FREM2: variants seen among roughly 807,000 people sequenced by gnomAD.
FREM2 encodes the protein FRAS1-related extracellular matrix protein 2.
FREM2 carries 119 observed loss-of-function variants against 219.9 expected under a neutral mutation model. The observed-to-expected ratio is 0.54, with a 90% confidence interval of 0.47 to 0.63. FREM2 has a LOEUF of 0.63. Among genes scored for constraint, FREM2 ranks in the 30% least tolerant of loss-of-function variants. The pLI is 0.00. For synonymous variants in FREM2, 1,562 were observed against 1,522.8 expected, an observed-to-expected ratio of 1.03 and a Z score of -0.60; for missense variants, 4,030 against 3,993.6, an observed-to-expected ratio of 1.01 and a Z score of -0.25.
intron 2 of FREM2, among the ~76,000 whole-genome samples, chr13:38,752,049 C>T (rs750089692): frequency 6.6e-6 from 1 of 152,216 alleles, no homozygotes; most frequent in Non-Finnish European, 1.5e-5. Flanking sequence ...AATAATACTA[C>T]ACGCTAAGCA....
rs148782980 is a variant in FREM2, at chr13:38,803,362, G to A, written c.6019+18554G>A. ...AACTGTGTGCAAGTAGGTCAGGGGC[G>A]CTAGAAGTACAGGAACAGGTCTTGA... On this transcript the variant is annotated intron_variant, in intron 6 of 23. Transcript: ENST00000280481. Among the ~76,000 whole-genome samples the A allele has an allele frequency of 8.5e-4, 130 of 152,220 alleles. 1 individual carries two copies. The highest frequency in any genetic ancestry group is 3.7e-3 in the South Asian group (18 of 4,824).
At position 38,687,921 on chromosome 13, in the gene FREM2, C is replaced by G. The variant is rs1405727084; in HGVS notation, c.577C>G (p.Leu193Val). Residue 193 changes from leucine (L) to valine (V), a missense_variant, in exon 1 of 24, where the codon CTG becomes GTG. Leu to Val is a conservative substitution (Grantham distance 32). Coordinates refer to ENST00000280481, the MANE Select transcript of FREM2 (RefSeq NM_207361.6). The stretch of plus-strand genomic sequence containing the variant: ...GAACTTGCCTCTGGTCGTGGAAGAG[C>G]TGCTGGGGACCAGCAATGCCCTGGA... ...TRNLPLVVEE[L>V]LGTSNALDAR... The G allele has an allele frequency of 3.4e-5, 55 of 1,598,908 alleles. No individual in the cohort carries two copies. The highest frequency in any genetic ancestry group is 4.7e-5 in the Non-Finnish European group (55 of 1,171,576).
In FREM2 at chr13:38,859,572, A is replaced by C. The variant is rs778306653; in HGVS notation, c.7501A>C (p.Thr2501Pro). The change falls in exon 14 of 24, where the codon ACC becomes CCC. Residue 2501 changes from threonine (T) to proline (P), a missense_variant. This residue lies in a region of FREM2 where 928 missense variants were observed against 1,042.9 expected (regional missense o/e 0.89). Transcript: ENST00000280481. ...EGLELMSPIVTISREEGLCQP... is the reference protein window; with the variant it reads ...EGLELMSPIVPISREEGLCQP... ...CCTGGAGCTCATGAGCCCTATTGTA[A>C]CCATCAGCAGAGAAGAAGGTCAGTC... 6.2e-7 allele frequency: 1 copy of C among 1,613,974 alleles called. No homozygotes were observed. Among genetic ancestry groups the C allele is most frequent in the Non-Finnish European group, 8.5e-7 (1 of 1,179,994 alleles).
rs757930670 is a variant in FREM2 at position 38,851,153 on chromosome 13, A to G, written c.6742+45A>G. ...TTGTTCAACTGTAAATTAGAAACTA[A>G]AATCCAGCCAAGTCAAGGTTTTAAG... is the stretch of plus-strand genomic sequence containing the variant. On this transcript the variant is annotated intron_variant, in intron 10 of 23. Transcript: ENST00000280481. The G allele has an allele frequency of 1.9e-6, 3 of 1,596,686 alleles. No homozygotes were observed. The Admixed American group carries it at 5.0e-5, about 27-fold the overall frequency.
At chr13:38,748,869 G>A (rs1409747711) in intron 2 of FREM2, among the ~76,000 whole-genome samples, 1 of 152,154 alleles carries the variant, frequency 6.6e-6, no homozygotes, top group Non-Finnish European at 1.5e-5. Flanking sequence ...TGGAAAGGAA[G>A]GCATTTTTGT....
At chr13:38,848,150 G>A (rs1478411508) in intron 7 of FREM2, among the ~76,000 whole-genome samples, 1 of 152,140 alleles carries the variant, frequency 6.6e-6, no homozygotes, top group African/African-American at 2.4e-5. Context: ...TTCTAAGCCT[G>A]ATTTTTATTA....
rs925438482 is a variant in FREM2, at chr13:38,882,651, C to G, written c.*1864C>G. 2.6e-5 allele frequency: 4 copies of G among 152,204 alleles called. No individual in the cohort carries two copies. Among genetic ancestry groups the G allele is most frequent in the African/African-American group, 7.2e-5 (3 of 41,454 alleles). The allele number at this position is 152,204 out of a possible 1,614,324, so 9.4% of individuals were successfully genotyped here. ...CTGTGTAGCCCAGGAGTTTATTTAGCAAGATAAATAGTGGTAATTTCTTAA... is the reference window on the plus strand; with the variant it reads ...CTGTGTAGCCCAGGAGTTTATTTAGGAAGATAAATAGTGGTAATTTCTTAA... On this transcript the variant is annotated 3_prime_UTR_variant, in exon 24 of 24. Coordinates refer to ENST00000280481, the MANE Select transcript of FREM2 (RefSeq NM_207361.6).
intron 2 of FREM2, among the ~76,000 whole-genome samples, chr13:38,699,940 C>T (rs1461938857): frequency 6.6e-6 from 1 of 151,974 alleles, no homozygotes; most frequent in Non-Finnish European, 1.5e-5. Flanking sequence ...ATAAGTCATC[C>T]CGATGAAATA....
chr13:38,884,274 A>G lies in FREM2; in HGVS notation c.*3487A>G, dbSNP rs1210937812. 6.6e-6 allele frequency: 1 copy of G among 152,176 alleles called. No homozygotes were observed. The allele number at this position is 152,176 out of a possible 1,614,324, so 9.4% of individuals were successfully genotyped here. ...CCTCTAATTCTTTTCCAGTGTGCCA[A>G]CTCCAAAGTCAACATTAAAAATGTA... On this transcript the variant is annotated 3_prime_UTR_variant, in exon 24 of 24. Coordinates refer to ENST00000280481, the MANE Select transcript of FREM2 (RefSeq NM_207361.6).
intron 13 of FREM2, among the ~76,000 whole-genome samples, chr13:38,858,695 C>T (rs1392459076): frequency 2.6e-5 from 4 of 152,136 alleles, no homozygotes; most frequent in African/African-American, 9.7e-5. Flanking sequence ...GTCAACAAGG[C>T]AGAGATAATT....
intron 16 of FREM2, among the ~76,000 whole-genome samples, chr13:38,865,454 G>T (rs1022927599): frequency 6.6e-6 from 1 of 152,192 alleles, no homozygotes; most frequent in Non-Finnish European, 1.5e-5. Context: ...ACATAAGTAG[G>T]TTTATGCATT....
At chr13:38,733,347 A>G (rs923923412) in intron 2 of FREM2, among the ~76,000 whole-genome samples, 5 of 151,470 alleles carry the variant, frequency 3.3e-5, no homozygotes, top group Admixed American at 6.6e-5. Flanking sequence ...GTAAGATTCA[A>G]TGAAGGCAAA....
chr13:38,835,788 T>G (rs1388035540), intron 6 of FREM2, among the ~76,000 whole-genome samples: 1 of 152,130 alleles, frequency 6.6e-6, no homozygotes, highest in Non-Finnish European at 1.5e-5. Flanking sequence ...TTTTTGCACA[T>G]TCTCAGTATC....
chr13:38,777,398 G>A (rs187368896), intron 4 of FREM2, among the ~76,000 whole-genome samples: 1 of 152,266 alleles, frequency 6.6e-6, no homozygotes, highest in Admixed American at 6.5e-5. Flanking sequence ...AGGCAGTAAT[G>A]TGTAGTGGTT....
At position 38,689,699 on chromosome 13, in the gene FREM2, T is replaced by C. The variant is rs750544972; in HGVS notation, c.2355T>C (p.Ala785=). The change falls in exon 1 of 24, where the codon GCT becomes GCC. Residue 785 remains alanine (A), a synonymous_variant. Transcript: ENST00000280481. ...CCCAGATCAACCATCATAAAATTGC[T>C]TACAGACCCCCGGGTCAAGAACTGG... ...TQAQINHHKI[A]YRPPGQELGV... 6.2e-7 allele frequency: 1 copy of C among 1,614,068 alleles called. No homozygotes were observed.
chr13:38,862,724 G>T (rs1370890373), intron 15 of FREM2, among the ~76,000 whole-genome samples: 2 of 152,134 alleles, frequency 1.3e-5, no homozygotes, highest in Non-Finnish European at 2.9e-5. Context: ...ATGTCCTGTG[G>T]CCAAATACAG....
rs114346379 is a variant in FREM2, at chr13:38,784,579, G to A, written c.5790G>A (p.Pro1930=). Residue 1930 remains proline, a synonymous_variant, in exon 6 of 24, where the codon CCG becomes CCA. Transcript: ENST00000280481. ...TQQGTATGTV[P]TSVLSYSDYI... ...CAGGAACAGCAACTGGAACTGTGCC[G>A]ACTTCCGTGTTGTCTTACTCTGATT... 1.8e-4 allele frequency: 294 copies of A among 1,614,106 alleles called. No individual in the cohort carries two copies. In the East Asian group the frequency reaches 5.7e-3, roughly 31 times the overall value.
At chr13:38,746,296 G>A (rs1303229005) in intron 2 of FREM2, among the ~76,000 whole-genome samples, 1 of 152,108 alleles carries the variant, frequency 6.6e-6, no homozygotes, top group Non-Finnish European at 1.5e-5. Context: ...ACACAATGAG[G>A]CTACTATTCA....
chr13:38,780,829 T>C (rs975328376), intron 4 of FREM2, among the ~76,000 whole-genome samples: 2 of 152,198 alleles, frequency 1.3e-5, no homozygotes, highest in East Asian at 3.9e-4. Context: ...CACTTCTAGT[T>C]AATCCACTAG....
Sources: gnomAD v4.1 joint callset for allele counts (sites outside exome capture counted in the v4.1 genomes callset) on GRCh38, gnomAD v4.1.1 for gene constraint, gnomAD v4.1.1 regional missense constraint, MANE v1.5 for transcripts, NCBI Gene and HGNC (gene_info 2026-07-23, HGNC 2026-07-21) for gene names.